Variants in NBEA observed in about 807,000 individuals in gnomAD.
NBEA encodes neurobeachin, also known as lysosomal-trafficking regulator 2.
Under a neutral mutation model 343.4 loss-of-function variants are expected in NBEA, and 44 were observed. That is an observed-to-expected ratio of 0.13 (90% CI 0.10 to 0.16). The LOEUF is 0.16. Ranked by LOEUF, NBEA falls within the 10% of genes least tolerant of loss-of-function variation. NBEA has a pLI of 1.00. For synonymous variants in NBEA, 1,175 were observed against 1,238.7 expected (o/e 0.95, Z 1.08); for missense variants, 2,555 against 3,631.3 (o/e 0.70, Z 7.62).
At chr13:35,345,073 C>T (rs2039797139) in intron 36 of NBEA, among the ~76,000 whole-genome samples, 1 of 151,940 alleles carries the variant, frequency 6.6e-6, no homozygotes, top group Non-Finnish European at 1.5e-5. Context: ...GAAATTTATC[C>T]CATGAATGCA....
At chr13:35,652,831 A>C (rs1366426488) in intron 53 of NBEA, among the ~76,000 whole-genome samples, 1 of 147,486 alleles carries the variant, frequency 6.8e-6, no homozygotes, top group African/African-American at 2.5e-5. Flanking sequence ...AGTAGCTGGG[A>C]TTACAGGCGC....
At chr13:34,981,533 A>AT (rs1009734469) in intron 1 of NBEA, among the ~76,000 whole-genome samples, 26 of 152,164 alleles carry the variant, frequency 1.7e-4, no homozygotes, top group Non-Finnish European at 2.5e-4. Context: ...CATTCTTAGG[A>AT]TAACCCCATG....
chr13:35,665,228 C>A, intron 56 of NBEA, 42 bp downstream of exon 56: 1 of 1,456,192 alleles, frequency 6.9e-7, no homozygotes, highest in Non-Finnish European at 9.4e-7. Context: ...TAGAAGATGA[C>A]TGTTTTCTCA....
At chr13:35,119,596 TGAGACAGAG>T (rs1331528838) in intron 16 of NBEA, among the ~76,000 whole-genome samples, 1 of 152,176 alleles carries the variant, frequency 6.6e-6, no homozygotes, top group Non-Finnish European at 1.5e-5. Flanking sequence ...TTTTTCTTTT[TGAGACAGAG>T]TCTTGCTCTG....
chr13:35,517,257 T>C (rs564706999), intron 41 of NBEA, among the ~76,000 whole-genome samples: 71 of 152,248 alleles, frequency 4.7e-4, no homozygotes, highest in African/African-American at 1.4e-3. Context: ...CCCAAAGGTA[T>C]GTCCTTTCAG....
chr13:34,977,557 C>T (rs917740959), intron 1 of NBEA, among the ~76,000 whole-genome samples: 1 of 152,192 alleles, frequency 6.6e-6, no homozygotes, highest in African/African-American at 2.4e-5. Context: ...GATCCTCCCA[C>T]CTCGGCCTCC....
At chr13:35,362,502 T>G (rs955952145) in intron 38 of NBEA, among the ~76,000 whole-genome samples, 3 of 152,084 alleles carry the variant, frequency 2.0e-5, no homozygotes, top group African/African-American at 7.2e-5. Flanking sequence ...TGCTCTACAC[T>G]CAATGAATTA....
chr13:35,583,792 G>C (rs1461989836), intron 45 of NBEA, 106 bp from the exon 46 acceptor site: 2 of 798,452 alleles, frequency 2.5e-6, no homozygotes, highest in African/African-American at 3.5e-5. Context: ...TATTTATGCT[G>C]TATGGCTAAA....
At chr13:35,647,252 A>C (rs116550211) in intron 51 of NBEA, among the ~76,000 whole-genome samples, 1 of 152,078 alleles carries the variant, frequency 6.6e-6, no homozygotes, top group African/African-American at 2.4e-5. Flanking sequence ...ATTTTTCACT[A>C]TTTTTTTACT....
chr13:35,213,533 G>T (rs1021540158), intron 33 of NBEA, among the ~76,000 whole-genome samples: 6 of 151,950 alleles, frequency 3.9e-5, no homozygotes, highest in African/African-American at 1.4e-4. Flanking sequence ...TCTATTGCAA[G>T]TGGGGCTATA....
chr13:35,339,314 G>T (rs1566637992), intron 36 of NBEA, among the ~76,000 whole-genome samples: 1 of 151,538 alleles, frequency 6.6e-6, no homozygotes, highest in East Asian at 1.9e-4. Flanking sequence ...AAAATGGCAG[G>T]ATATGAGACC....
chr13:35,476,266 G>T (rs1215851108), intron 41 of NBEA: 2 of 1,484,364 alleles, frequency 1.3e-6, no homozygotes, highest in Non-Finnish European at 9.3e-7. Context: ...GATCAAAAAT[G>T]CCTTTCGGAA....
chr13:35,272,939 A>G (rs1200722429), intron 34 of NBEA, among the ~76,000 whole-genome samples: 1 of 152,214 alleles, frequency 6.6e-6, no homozygotes, highest in Non-Finnish European at 1.5e-5. Context: ...TATTAGACAG[A>G]TCAATGAGAC....
At chr13:35,186,075 G>C (rs184899500) in intron 30 of NBEA, 4 of 152,108 alleles carry the variant, frequency 2.6e-5, no homozygotes, top group Non-Finnish European at 5.9e-5. Flanking sequence ...AGGCCGAGGA[G>C]AGAGGATAGC....
chr13:35,171,297 C>T lies in NBEA; in HGVS notation c.4268C>T (p.Thr1423Ile). The T allele has an allele frequency of 2.5e-6, 4 of 1,611,646 alleles. No homozygotes were observed. The highest frequency in any genetic ancestry group is 3.4e-6 in the Non-Finnish European group (4 of 1,178,456). ...SKTELENIEV[T>I]QGMSAETAVT... Reference sequence around the variant, plus strand: ...ACGGAATTGGAAAATATTGAAGTGACACAAGGCATGTCAGCTGAGACAGCA... The same window carrying T: ...ACGGAATTGGAAAATATTGAAGTGATACAAGGCATGTCAGCTGAGACAGCA... The change falls in exon 26 of 59, where the codon ACA becomes ATA. Residue 1423 changes from threonine to isoleucine, a missense_variant. This residue lies in a region of NBEA where 168 missense variants were observed against 193.0 expected (regional missense o/e 0.87). Coordinates refer to ENST00000379939, the MANE Select transcript of NBEA (RefSeq NM_001385012.1).
At chr13:35,562,639 A>T (rs1249797259) in intron 44 of NBEA, among the ~76,000 whole-genome samples, 4 of 152,064 alleles carry the variant, frequency 2.6e-5, no homozygotes, top group African/African-American at 9.7e-5. Flanking sequence ...TAGCAACTGC[A>T]TGTGTTGGGC....
chr13:35,328,219 GT>G (rs1468696490), intron 36 of NBEA, among the ~76,000 whole-genome samples: 1 of 151,744 alleles, frequency 6.6e-6, no homozygotes, highest in Non-Finnish European at 1.5e-5. Context: ...TAACAAACAT[GT>G]TAACATATAT....
intron 31 of NBEA, among the ~76,000 whole-genome samples, chr13:35,205,823 A>C (rs1410226154): frequency 6.6e-6 from 1 of 152,096 alleles, no homozygotes. Context: ...TTTTATCTTT[A>C]TAACAATCTT....
chr13:35,192,456 A>G (rs989974811), intron 30 of NBEA, among the ~76,000 whole-genome samples: 2 of 151,740 alleles, frequency 1.3e-5, no homozygotes, highest in African/African-American at 4.9e-5. Flanking sequence ...TTTACAAAAC[A>G]TATTTATTTG....
Sources: gnomAD v4.1 joint callset for allele counts (sites outside exome capture counted in the v4.1 genomes callset) on GRCh38, gnomAD v4.1.1 for gene constraint, gnomAD v4.1.1 regional missense constraint, MANE v1.5 for transcripts, NCBI Gene and HGNC (gene_info 2026-07-23, HGNC 2026-07-21) for gene names.